FAM13A: variants seen among roughly 807,000 people sequenced by gnomAD.
FAM13A encodes protein FAM13A.
A neutral mutation model predicts 129.6 loss-of-function variants in FAM13A; 76 were observed. The ratio of observed to expected loss-of-function variants is 0.59; its 90% CI spans 0.49 to 0.71. FAM13A has a LOEUF of 0.71. Among genes scored for constraint, FAM13A ranks in the 30% least tolerant of loss-of-function variants. FAM13A has a pLI of 0.00. For missense variants in FAM13A, 1,108 were observed against 1,249.3 expected (o/e 0.89, Z 1.70); for synonymous variants, 443 against 449.9 (o/e 0.98, Z 0.20).
chr4:88,841,972 T>A (rs1735907694), intron 7 of FAM13A, among the ~76,000 whole-genome samples: 1 of 152,194 alleles, frequency 6.6e-6, no homozygotes, highest in African/African-American at 2.4e-5. Flanking sequence ...CTAGCATTAT[T>A]CATAATAGCC....
intron 19 of FAM13A, among the ~76,000 whole-genome samples, chr4:88,746,314 G>A (rs142878266): frequency 2.2e-4 from 34 of 152,240 alleles, no homozygotes; most frequent in African/African-American, 7.2e-4. Flanking sequence ...TCATGCTACC[G>A]TTTCCCCCAC....
chr4:89,026,827 T>C (rs1768027619), intron 2 of FAM13A, among the ~76,000 whole-genome samples: 1 of 152,254 alleles, frequency 6.6e-6, no homozygotes, highest in Admixed American at 6.5e-5. Flanking sequence ...ATCAGTCATC[T>C]ACATGCCTAG....
chr4:88,807,937 G>C (rs1232226812), intron 7 of FAM13A, among the ~76,000 whole-genome samples: 11 of 152,014 alleles, frequency 7.2e-5, no homozygotes, highest in Admixed American at 6.6e-4. Context: ...ACCAGTTTTT[G>C]TTCTAAAAAA....
chr4:88,778,360 A>C (rs1560965988), intron 11 of FAM13A, among the ~76,000 whole-genome samples: 2 of 151,682 alleles, frequency 1.3e-5, no homozygotes, highest in Admixed American at 1.3e-4. Flanking sequence ...ATCATCTTTG[A>C]CTCCTCTTTT....
chr4:88,798,271 G>A (rs1726653487), intron 8 of FAM13A, among the ~76,000 whole-genome samples: 1 of 152,172 alleles, frequency 6.6e-6, no homozygotes, highest in South Asian at 2.1e-4. Context: ...AAGCACATAT[G>A]AAAATCCAAT....
chr4:88,907,595 G>A (rs970518077), intron 5 of FAM13A, among the ~76,000 whole-genome samples: 5 of 152,102 alleles, frequency 3.3e-5, no homozygotes, highest in Admixed American at 6.6e-5. Flanking sequence ...CATTTATAAT[G>A]CCGTTTTTAC....
chr4:88,783,173 T>G (rs1164111340), intron 10 of FAM13A, among the ~76,000 whole-genome samples: 11 of 152,190 alleles, frequency 7.2e-5, no homozygotes. Flanking sequence ...TATAATTAAT[T>G]TATTTTTTAT....
intron 19 of FAM13A, among the ~76,000 whole-genome samples, chr4:88,743,496 A>T (rs1740655559): frequency 6.6e-6 from 1 of 152,220 alleles, no homozygotes; most frequent in East Asian, 1.9e-4. Flanking sequence ...TGATAAAATT[A>T]AGCACCAGAG....
chr4:88,777,605 G>A (rs906326872), intron 11 of FAM13A, among the ~76,000 whole-genome samples: 4 of 152,114 alleles, frequency 2.6e-5, no homozygotes, highest in Non-Finnish European at 4.4e-5. Flanking sequence ...TGATATCCTC[G>A]GGAGGCAAGG....
chr4:88,896,377 A>G (rs1746329607), intron 6 of FAM13A, among the ~76,000 whole-genome samples: 1 of 152,162 alleles, frequency 6.6e-6, no homozygotes, highest in Non-Finnish European at 1.5e-5. Flanking sequence ...ATATGTAACT[A>G]ACCTGCACAA....
intron 8 of FAM13A, among the ~76,000 whole-genome samples, chr4:88,792,418 T>A (rs922940762): frequency 6.6e-6 from 1 of 152,196 alleles, no homozygotes; most frequent in South Asian, 2.1e-4. Context: ...GTATTTTACT[T>A]TGCTTTTAAT....
At chr4:88,866,791 T>C (rs1740537797) in intron 6 of FAM13A, among the ~76,000 whole-genome samples, 1 of 152,144 alleles carries the variant, frequency 6.6e-6, no homozygotes, top group Admixed American at 6.5e-5. Flanking sequence ...AAATAGAATG[T>C]TTTAGAGAGA....
At chr4:88,873,452 A>T (rs1014172484) in intron 6 of FAM13A, among the ~76,000 whole-genome samples, 5 of 152,216 alleles carry the variant, frequency 3.3e-5, no homozygotes, top group African/African-American at 1.2e-4. Context: ...AAAATGATAA[A>T]GGGGATATCA....
chr4:88,846,445 T>C (rs186622994), intron 7 of FAM13A, among the ~76,000 whole-genome samples: 1 of 152,354 alleles, frequency 6.6e-6, no homozygotes, highest in East Asian at 1.9e-4. Flanking sequence ...AGGAATCACC[T>C]TTCGTGAGAA....
chr4:88,852,035 C>G (rs1737652384), intron 6 of FAM13A, among the ~76,000 whole-genome samples: 1 of 152,134 alleles, frequency 6.6e-6, no homozygotes, highest in African/African-American at 2.4e-5. Flanking sequence ...TTTTCCCATG[C>G]TTGTCCTTAC....
At chr4:88,948,583 G>A (rs946630459) in intron 4 of FAM13A, among the ~76,000 whole-genome samples, 5 of 152,026 alleles carry the variant, frequency 3.3e-5, no homozygotes, top group Non-Finnish European at 7.4e-5. Flanking sequence ...CCGCCTCCCG[G>A]GTTCAAGCAA....
chr4:88,951,188 G>A (rs540411745), intron 4 of FAM13A, among the ~76,000 whole-genome samples: 2 of 152,234 alleles, frequency 1.3e-5, no homozygotes, highest in Admixed American at 1.3e-4. Context: ...TGTCCTAGAT[G>A]ATATATCAGA....
rs931016063 is a variant in FAM13A, at chr4:88,938,198, T to G, written c.649A>C (p.Asn217His). Residue 217 changes from asparagine (N) to histidine (H), a missense_variant, in exon 5 of 24, where the codon AAC (asparagine) becomes CAC (histidine). Transcript: ENST00000264344. ...TCTAGAATTTTAGCCATTATCTTGT[T>G]GCACAGGTCCTGTTCCTTCATGCCT... is the stretch of plus-strand genomic sequence containing the variant. ...LEGMKEQDLC[N>H]KIMAKILENY... The G allele has an allele frequency of 6.2e-7, 1 of 1,613,480 alleles. No individual in the cohort carries two copies. The highest frequency in any genetic ancestry group is 1.3e-5 in the African/African-American group (1 of 74,912).
rs1221932276 is a variant in FAM13A at position 88,869,559 on chromosome 4, G to A, written c.844-18376C>T. On this transcript the variant is annotated intron_variant, in intron 6 of 23. Coordinates refer to ENST00000264344, the MANE Select transcript of FAM13A (RefSeq NM_014883.4). ...TAGATTCCTTCAAGAGGTCTTCCCT[G>A]ATGTATCAGCTTAAATCAGGCACCC... Among the ~76,000 whole-genome samples, 3 of 152,226 alleles carry A rather than the reference G, an allele frequency of 2.0e-5. No homozygotes were observed. In the East Asian group the frequency reaches 5.8e-4, roughly 29 times the overall value.
Sources: allele counts gnomAD v4.1 joint callset (sites outside exome capture counted in the v4.1 genomes callset), GRCh38; gene constraint gnomAD v4.1.1; transcripts MANE v1.5; gene names NCBI Gene and HGNC (gene_info 2026-07-23, HGNC 2026-07-21).